The following TRAF3IP1 variants were observed in gnomAD, a reference collection of about 807,000 sequenced individuals.
TRAF3IP1 encodes the protein intraflagellar transport 54.
In TRAF3IP1, 53 loss-of-function variants were observed where a neutral mutation model predicts 89.9. The observed-to-expected ratio is 0.59, with a 90% CI of 0.47 to 0.74. The LOEUF is 0.74. TRAF3IP1 is among the 30% of genes least tolerant of loss of function. The pLI is 0.00. For missense variants in TRAF3IP1, 806 were observed against 866.1 expected, an observed-to-expected ratio of 0.93 and a Z score of 0.87; for synonymous variants, 311 against 322.1, an observed-to-expected ratio of 0.97 and a Z score of 0.37.
At position 238,344,557 on chromosome 2, in the gene TRAF3IP1, G is replaced by A. The variant is rs141000731; in HGVS notation, c.1220G>A (p.Arg407Gln). 146 of 1,614,168 alleles carry A rather than the reference G, an allele frequency of 9.0e-5. 1 individual carries two copies. The highest frequency in any genetic ancestry group is 6.2e-4 in the East Asian group (28 of 44,880). The stretch of plus-strand genomic sequence containing the variant: ...TCAGATGATAATTCAGCTAGTCTGC[G>A]GTGTGAGAATATTCAGCCCAACCCC... ...SISDDNSASL[R>Q]CENIQPNPTE... is the part of the protein sequence containing the mutation. The change falls in exon 9 of 17, where the codon CGG (arginine) becomes CAG (glutamine). Residue 407 changes from arginine to glutamine, a missense_variant. Arg to Gln is a conservative substitution (Grantham distance 43). Around this residue, in one of 3 missense-constraint regions of TRAF3IP1, gnomAD observed 732 missense variants for 780.5 expected, o/e 0.94. Transcript: ENST00000373327.
chr2:238,378,806 G>A (rs910412540), intron 15 of TRAF3IP1, among the ~76,000 whole-genome samples: 2 of 152,210 alleles, frequency 1.3e-5, no homozygotes, highest in African/African-American at 4.8e-5. Context: ...CCCCCCCCCA[G>A]GCCCCAGGCT....
chr2:238,324,114 C>G (rs1697692797), intron 1 of TRAF3IP1, among the ~76,000 whole-genome samples: 1 of 152,150 alleles, frequency 6.6e-6, no homozygotes. Context: ...GTTGCCCAGG[C>G]TGGAGTCCTG....
At chr2:238,367,626 C>T (rs1235768445) in intron 15 of TRAF3IP1, among the ~76,000 whole-genome samples, 6 of 152,162 alleles carry the variant, frequency 3.9e-5, no homozygotes, top group Non-Finnish European at 8.8e-5. Context: ...CGGGAGAGAC[C>T]GCGGTGGGAC....
chr2:238,388,718 T>C (rs1168132287), intron 15 of TRAF3IP1, among the ~76,000 whole-genome samples: 1 of 151,114 alleles, frequency 6.6e-6, no homozygotes. Context: ...CTTGGCTCAC[T>C]GTAACCTCTG....
At chr2:238,373,847 G>A (rs186191631) in intron 15 of TRAF3IP1, among the ~76,000 whole-genome samples, 3 of 152,084 alleles carry the variant, frequency 2.0e-5, no homozygotes, top group African/African-American at 4.8e-5. Context: ...GAGGTCCTTC[G>A]CATCCTTTGT....
At position 238,328,706 on chromosome 2, in the gene TRAF3IP1, G is replaced by C; in HGVS notation, c.375G>C (p.Val125=). 10 of 1,613,950 alleles carry C rather than the reference G, an allele frequency of 6.2e-6. No homozygotes were observed. The highest frequency in any genetic ancestry group is 8.5e-6 in the Non-Finnish European group (10 of 1,179,944). ...ACAAGCTCTCTAGTGACGATGCGGTGCGGAGGGTTTTAGCTGGAGAGAAGG... is the reference window on the plus strand; with the variant it reads ...ACAAGCTCTCTAGTGACGATGCGGTCCGGAGGGTTTTAGCTGGAGAGAAGG... ...CLNKLSSDDA[V]RRVLAGEKGE... is the part of the protein sequence containing the mutation. Residue 125 remains valine (V), a synonymous_variant, in exon 4 of 17, where the codon GTG becomes GTC. Transcript: ENST00000373327.
At chr2:238,334,494 G>T (rs1286351047) in intron 7 of TRAF3IP1, among the ~76,000 whole-genome samples, 1 of 151,280 alleles carries the variant, frequency 6.6e-6, no homozygotes, top group Admixed American at 6.6e-5. Flanking sequence ...CCTGGCCTGC[G>T]GTCCGCTGAA....
Position 238,338,457 on chromosome 2 carries a change from G to A in TRAF3IP1, c.1159G>A (p.Gly387Arg). The stretch of plus-strand genomic sequence containing the variant: ...TCAGGAAACGACAACATCAGAAATA[G>A]GTAAGAAAAATATATTCTTTAGTTT... ...PNQETTTSEI[G>R]TKEANINSTS... Residue 387 changes from glycine to arginine, a missense_variant and splice_region_variant, in exon 8 of 17, where the codon GGA (glycine) becomes AGA (arginine). Around this residue, in one of 3 missense-constraint regions of TRAF3IP1, gnomAD observed 732 missense variants for 780.5 expected, o/e 0.94. Transcript: ENST00000373327. 1.3e-6 allele frequency: 2 copies of A among 1,539,390 alleles called. No individual in the cohort carries two copies. Among genetic ancestry groups the A allele is most frequent in the Non-Finnish European group, 1.8e-6 (2 of 1,126,100 alleles).
chr2:238,367,663 CTG>C (rs1699941341), intron 15 of TRAF3IP1, among the ~76,000 whole-genome samples: 1 of 152,208 alleles, frequency 6.6e-6, no homozygotes, highest in Non-Finnish European at 1.5e-5. Flanking sequence ...CGAGCCCTCT[CTG>C]TGCAGGGCTT....
At chr2:238,361,172 G>A (rs1699642973) in intron 15 of TRAF3IP1, among the ~76,000 whole-genome samples, 2 of 150,664 alleles carry the variant, frequency 1.3e-5, no homozygotes, top group African/African-American at 2.4e-5. Context: ...TCAGTCTCCC[G>A]AGTAGCTGGG....
At chr2:238,344,429 T>G (rs1698797109) in intron 8 of TRAF3IP1, 68 bp from the exon 9 acceptor site, 3 of 1,245,838 alleles carry the variant, frequency 2.4e-6, no homozygotes, top group South Asian at 1.2e-5. Flanking sequence ...TCTATGTTAA[T>G]GAAGCCGCTG....
At chr2:238,377,801 T>G (rs936308793) in intron 15 of TRAF3IP1, among the ~76,000 whole-genome samples, 4 of 152,240 alleles carry the variant, frequency 2.6e-5, no homozygotes, top group African/African-American at 9.6e-5. Context: ...GCTTCACATG[T>G]AAAACCACCT....
At chr2:238,335,580 G>A (rs1477514548) in intron 7 of TRAF3IP1, among the ~76,000 whole-genome samples, 1 of 151,928 alleles carries the variant, frequency 6.6e-6, no homozygotes, top group East Asian at 1.9e-4. Context: ...TTCCACTCTT[G>A]CAAAATAAAC....
chr2:238,381,882 T>A (rs1700565515), intron 15 of TRAF3IP1, among the ~76,000 whole-genome samples: 1 of 151,926 alleles, frequency 6.6e-6, no homozygotes, highest in Non-Finnish European at 1.5e-5. Context: ...AAAAATGACA[T>A]GAAGACAGGC....
chr2:238,333,457 A>G (rs1698226111), intron 6 of TRAF3IP1, among the ~76,000 whole-genome samples: 1 of 152,152 alleles, frequency 6.6e-6, no homozygotes, highest in South Asian at 2.1e-4. Flanking sequence ...AGGAGGTTGC[A>G]GGGAGATGGG....
Position 238,340,846 on chromosome 2 carries a change from T to TAG in TRAF3IP1, c.1159+2401_1159+2402dup, listed in dbSNP as rs67240549. Among the ~76,000 whole-genome samples the TAG allele has an allele frequency of 1.6e-3, 241 of 150,424 alleles. 1 individual carries two copies. Among genetic ancestry groups the TAG allele is most frequent in the African/African-American group, 5.5e-3 (222 of 40,504 alleles). On this transcript the variant is annotated intron_variant, in intron 8 of 16. Transcript: ENST00000373327. Reference sequence around the variant, plus strand: ...GTGTGTGTGTGTGTATATATATATATAGAGAGAGAGAGACAGAGAGACAGA... The same window carrying TAG: ...GTGTGTGTGTGTGTATATATATATATAGAGAGAGAGAGAGACAGAGAGACAGA...
chr2:238,330,620 C>T (rs766143120), intron 5 of TRAF3IP1, among the ~76,000 whole-genome samples: 5 of 152,168 alleles, frequency 3.3e-5, no homozygotes, highest in Non-Finnish European at 7.3e-5. Context: ...CACTGCGTCT[C>T]AGGGTGTGCC....
chr2:238,388,227 T>C (rs1700853291), intron 15 of TRAF3IP1, among the ~76,000 whole-genome samples: 1 of 151,842 alleles, frequency 6.6e-6, no homozygotes, highest in South Asian at 2.1e-4. Context: ...ATACAAAAAT[T>C]AGCCTGGCGT....
Position 238,328,823 on chromosome 2 carries a change from T to A in TRAF3IP1, c.492T>A (p.Asn164Lys). 6.2e-7 allele frequency: 1 copy of A among 1,611,358 alleles called. No homozygotes were observed. Among genetic ancestry groups the A allele is most frequent in the Non-Finnish European group, 8.5e-7 (1 of 1,178,782 alleles). The change falls in exon 4 of 17, where the codon AAT (asparagine) becomes AAA (lysine). Residue 164 changes from asparagine to lysine, a missense_variant. Around this residue, in one of 3 missense-constraint regions of TRAF3IP1, gnomAD observed 732 missense variants for 780.5 expected, o/e 0.94. Coordinates refer to ENST00000373327, the MANE Select transcript of TRAF3IP1 (RefSeq NM_015650.4). The part of the protein sequence containing the change: ...VREEESRVHK[N>K]TEDRGDAEIK... ...AAGAAGAGTCCAGAGTTCACAAAAA[T>A]ACAGAGGTGAATTCCAAGTCGCACA...
Sources: gnomAD v4.1 joint callset for allele counts (sites outside exome capture counted in the v4.1 genomes callset) on GRCh38, gnomAD v4.1.1 for gene constraint, gnomAD v4.1.1 regional missense constraint, MANE v1.5 for transcripts, NCBI Gene and HGNC (gene_info 2026-07-23, HGNC 2026-07-21) for gene names.